Variants in DAAM1 observed in about 807,000 individuals in gnomAD.
The protein encoded by DAAM1 is disheveled-associated activator of morphogenesis 1.
A neutral mutation model predicts 130.0 loss-of-function variants in DAAM1; 52 were observed. That is an observed-to-expected ratio of 0.40 (90% CI 0.32 to 0.50). DAAM1 has a LOEUF of 0.50. DAAM1 is among the 20% of genes least tolerant of loss of function. The pLI is 0.61. For synonymous variants in DAAM1, 452 were observed against 444.5 expected (o/e 1.02, Z -0.21); for missense variants, 1,134 against 1,303.8 (o/e 0.87, Z 2.01).
intron 2 of DAAM1, among the ~76,000 whole-genome samples, chr14:59,288,808 C>A: frequency 7.0e-6 from 1 of 143,594 alleles, no homozygotes; most frequent in South Asian, 2.2e-4. Flanking sequence ...GAAGGGGAAG[C>A]AAGCACATTT....
At chr14:59,246,981 A>G (rs1881410891) in intron 1 of DAAM1, among the ~76,000 whole-genome samples, 1 of 152,102 alleles carries the variant, frequency 6.6e-6, no homozygotes, top group Non-Finnish European at 1.5e-5. Flanking sequence ...CAATGTCATA[A>G]AATTTTTATG....
intron 20 of DAAM1, among the ~76,000 whole-genome samples, chr14:59,357,823 T>C (rs1886544546): frequency 6.6e-6 from 1 of 152,100 alleles, no homozygotes; most frequent in Non-Finnish European, 1.5e-5. Context: ...GCTGAACATA[T>C]GAAAAATAAG....
rs1887050861 is a variant in DAAM1, at chr14:59,369,287, T to TTGA, written c.*430_*432dup. On this transcript the variant is annotated 3_prime_UTR_variant, in exon 25 of 25. Coordinates refer to ENST00000360909, the MANE Select transcript of DAAM1 (RefSeq NM_001270520.2). ...GCAAAATATTTTATGGTTTCCAAGCTTGATATCCTTTAAAATTATTTTCAT... is the reference window on the plus strand; with the variant it reads ...GCAAAATATTTTATGGTTTCCAAGCTTGATGATATCCTTTAAAATTATTTTCAT... The TTGA allele has an allele frequency of 6.5e-6, 1 of 153,664 alleles. No individual in the cohort carries two copies. The highest frequency in any genetic ancestry group is 1.5e-5 in the Non-Finnish European group (1 of 68,842). The allele number at this position is 153,664 out of a possible 1,614,324, so 9.5% of individuals were successfully genotyped here. A position where few individuals can be genotyped will look rare whatever the true frequency, so the allele number is the denominator to read the frequency against.
At chr14:59,245,605 A>G (rs1378011507) in intron 1 of DAAM1, among the ~76,000 whole-genome samples, 12 of 152,180 alleles carry the variant, frequency 7.9e-5, no homozygotes, top group Admixed American at 7.9e-4. Context: ...AAAAAATACA[A>G]TGGATTTAAG....
chr14:59,227,862 T>C (rs1005956808), intron 1 of DAAM1, among the ~76,000 whole-genome samples: 1 of 152,196 alleles, frequency 6.6e-6, no homozygotes, highest in South Asian at 2.1e-4. Context: ...TGGTACTCCT[T>C]GTTCCACAGG....
At chr14:59,344,607 C>T (rs1357954876) in intron 16 of DAAM1, among the ~76,000 whole-genome samples, 4 of 152,102 alleles carry the variant, frequency 2.6e-5, no homozygotes, top group South Asian at 2.1e-4. Context: ...CAACAGGACG[C>T]GTGCATAGCA....
At chr14:59,361,804 C>T (rs1030282174) in intron 22 of DAAM1, among the ~76,000 whole-genome samples, 1 of 152,146 alleles carries the variant, frequency 6.6e-6, no homozygotes, top group African/African-American at 2.4e-5. Flanking sequence ...GTGAAGGAGA[C>T]GGATTTGCAG....
intron 1 of DAAM1, among the ~76,000 whole-genome samples, chr14:59,208,257 G>T (rs1054163018): frequency 1.3e-5 from 2 of 152,132 alleles, no homozygotes; most frequent in African/African-American, 4.8e-5. Context: ...GACTCCCAGA[G>T]AAACCTTAAA....
At chr14:59,303,782 C>A (rs1250135691) in intron 3 of DAAM1, among the ~76,000 whole-genome samples, 2 of 152,104 alleles carry the variant, frequency 1.3e-5, no homozygotes, top group Admixed American at 1.3e-4. Context: ...TGCCTGTAAT[C>A]CCAGCTACTC....
At chr14:59,349,494 C>CAGATG (rs1886206139) in intron 17 of DAAM1, among the ~76,000 whole-genome samples, 1 of 152,214 alleles carries the variant, frequency 6.6e-6, no homozygotes, top group Admixed American at 6.5e-5. Flanking sequence ...GGTCATCTCC[C>CAGATG]ACGCTCTTTC....
At chr14:59,358,850 A>AAAT (rs1886592294) in intron 20 of DAAM1, among the ~76,000 whole-genome samples, 1 of 152,024 alleles carries the variant, frequency 6.6e-6, no homozygotes, top group African/African-American at 2.4e-5. Context: ...AAAAAAAAAA[A>AAAT]AAGTATCAAT....
intron 1 of DAAM1, among the ~76,000 whole-genome samples, chr14:59,200,957 C>T (rs1340883336): frequency 1.3e-5 from 2 of 151,804 alleles, no homozygotes; most frequent in Admixed American, 6.6e-5. Context: ...GTCAGGAGAT[C>T]GAGACCATCC....
chr14:59,237,671 A>G (rs762659872), intron 1 of DAAM1, among the ~76,000 whole-genome samples: 7 of 152,170 alleles, frequency 4.6e-5, no homozygotes, highest in Non-Finnish European at 1.0e-4. Flanking sequence ...ATTGCATCTA[A>G]TAAGACACTA....
At chr14:59,200,052 T>G (rs1888051309) in intron 1 of DAAM1, among the ~76,000 whole-genome samples, 1 of 152,190 alleles carries the variant, frequency 6.6e-6, no homozygotes, top group Non-Finnish European at 1.5e-5. Flanking sequence ...TTTTTATTTA[T>G]TTGGGCAGTT....
intron 2 of DAAM1, among the ~76,000 whole-genome samples, chr14:59,284,236 G>A (rs1020539183): frequency 2.0e-5 from 3 of 152,102 alleles, no homozygotes; most frequent in East Asian, 1.9e-4. Context: ...AGTGTTCGTG[G>A]TTTCAGTGAG....
At chr14:59,212,662 C>T (rs1566651279) in intron 1 of DAAM1, among the ~76,000 whole-genome samples, 2 of 152,224 alleles carry the variant, frequency 1.3e-5, no homozygotes, top group Non-Finnish European at 2.9e-5. Context: ...CCTGCCCAAG[C>T]AGCATTCTAA....
At chr14:59,356,118 G>A (rs1181296085) in intron 20 of DAAM1, among the ~76,000 whole-genome samples, 1 of 152,162 alleles carries the variant, frequency 6.6e-6, no homozygotes, top group South Asian at 2.1e-4. Context: ...GTTTCTCTGA[G>A]GTTCACACTG....
At chr14:59,262,554 A>C (rs1882216776) in intron 1 of DAAM1, among the ~76,000 whole-genome samples, 1 of 152,144 alleles carries the variant, frequency 6.6e-6, no homozygotes, top group Admixed American at 6.5e-5. Flanking sequence ...AAATACATAC[A>C]TTCTTTAAAT....
At chr14:59,366,620 A>G (rs915164368) in intron 23 of DAAM1, among the ~76,000 whole-genome samples, 2 of 152,240 alleles carry the variant, frequency 1.3e-5, no homozygotes, top group Non-Finnish European at 2.9e-5. Context: ...GTCATCATAC[A>G]TGTTAAGCTC....
Sources: allele counts gnomAD v4.1 joint callset (sites outside exome capture counted in the v4.1 genomes callset), GRCh38; gene constraint gnomAD v4.1.1; transcripts MANE v1.5; gene names NCBI Gene and HGNC (gene_info 2026-07-23, HGNC 2026-07-21).